RPS3: variants seen among roughly 807,000 people sequenced by gnomAD.
RPS3 encodes ribosomal protein S3.
Under a neutral mutation model 25.8 loss-of-function variants are expected in RPS3, and 2 were observed. That is an observed-to-expected ratio of 0.08 (90% CI 0.03 to 0.24). The LOEUF is 0.24. Among genes scored for constraint, RPS3 ranks in the 10% least tolerant of loss-of-function variants. The pLI is 1.00. For missense variants in RPS3, 107 were observed against 307.1 expected, an observed-to-expected ratio of 0.35 and a Z score of 4.87; for synonymous variants, 114 against 114.2, an observed-to-expected ratio of 1.00 and a Z score of 0.01.
Position 75,404,797 on chromosome 11 carries a change from C to T in RPS3, c.664C>T (p.Pro222Ser). ...EPKDEILPTTPISEQKGGKPE... is the reference protein window; with the variant it reads ...EPKDEILPTTSISEQKGGKPE... The stretch of plus-strand genomic sequence containing the variant: ...CAAAGATGAGATACTGCCCACCACC[C>T]CCATCTCAGAACAGAAGGGTGGGAA... The change falls in exon 6 of 7, where the codon CCC (proline) becomes TCC (serine). Residue 222 changes from proline (P) to serine (S), a missense_variant. Pro to Ser is a moderately conservative substitution (Grantham distance 74). Around this residue, in one of 2 missense-constraint regions of RPS3, gnomAD observed 81 missense variants for 286.8 expected, o/e 0.28. Transcript: ENST00000531188. This position sits in a 1 kb window ranked among gnomAD's most constrained non-coding sequence, Gnocchi z 4.6. 6.2e-7 allele frequency: 1 copy of T among 1,613,872 alleles called. No homozygotes were observed. The highest frequency in any genetic ancestry group is 8.5e-7 in the Non-Finnish European group (1 of 1,179,974).
rs17878463 is a variant in RPS3 at position 75,400,921 on chromosome 11, C to T, written c.161+97C>T. 5.7e-5 allele frequency: 80 copies of T among 1,414,514 alleles called. No homozygotes were observed. In the African/African-American group the frequency reaches 1.1e-3, roughly 19 times the overall value. The allele number at this position is 1,414,514 out of a possible 1,614,324, so 87.6% of individuals were successfully genotyped here. On this transcript the variant is annotated intron_variant, in intron 2 of 6. Transcript: ENST00000531188. ...TTTTTGAGACGGAGTCTTGCTCTGT[C>T]CCCAAAGCTGGAGTGCAGTGGCGCG...
Position 75,406,881 on chromosome 11 carries a change from T to A in RPS3, c.*1271T>A, listed in dbSNP as rs971637227. 24 of 152,232 alleles carry A rather than the reference T, an allele frequency of 1.6e-4. No individual in the cohort carries two copies. Among genetic ancestry groups the A allele is most frequent in the African/African-American group, 5.8e-4 (24 of 41,468 alleles). 9.4% of individuals were successfully genotyped at this position (152,232 alleles called of 1,614,324 possible). A position where few individuals can be genotyped will look rare whatever the true frequency, so the allele number is the denominator to read the frequency against. ...AGCTATGTAGCATGTACATTAGGTA[T>A]TAAAAGTAATCCAGTGAAGATTGAA... On this transcript the variant is annotated 3_prime_UTR_variant, in exon 7 of 7. Coordinates refer to ENST00000531188, the MANE Select transcript of RPS3 (RefSeq NM_001005.5).
chr11:75,420,405 TCTC>T (rs1477052910), intron 6 of RPS3, among the ~76,000 whole-genome samples: 1 of 152,144 alleles, frequency 6.6e-6, no homozygotes, highest in Non-Finnish European at 1.5e-5. Flanking sequence ...AATGATGGTC[TCTC>T]CTCCTTCGAC....
chr11:75,399,613 C>G, intron 1 of RPS3, 36 bp downstream of exon 1: 2 of 1,601,926 alleles, frequency 1.2e-6, no homozygotes, highest in East Asian at 2.2e-5. Flanking sequence ...AGAACGACGG[C>G]GCCGCGCGGG....
At chr11:75,421,546 T>G (rs962958730) in intron 6 of RPS3, among the ~76,000 whole-genome samples, 1 of 152,206 alleles carries the variant, frequency 6.6e-6, no homozygotes, top group Admixed American at 6.5e-5. Flanking sequence ...AGGCTTATAA[T>G]GACATCAGGG....
At chr11:75,407,631 G>T (rs1356077716), downstream of RPS3, among the ~76,000 whole-genome samples, 1 of 152,066 alleles carries the variant, frequency 6.6e-6, no homozygotes, top group African/African-American at 2.4e-5. Flanking sequence ...ACCAAGTCTG[G>T]CTATTTTTTT....
chr11:75,413,249 ATT>A (rs34936491), intron 6 of RPS3, among the ~76,000 whole-genome samples: 3 of 109,576 alleles, frequency 2.7e-5, no homozygotes, highest in Admixed American at 8.7e-5. Flanking sequence ...ATATATATAT[ATT>A]TTTTTTTTTG....
chr11:75,405,453 G>A (rs539899839), intron 6 of RPS3, 161 bp from the exon 7 acceptor site: 54 of 306,358 alleles, frequency 1.8e-4, no homozygotes, highest in African/African-American at 1.7e-3. Context: ...CTCTCCAGGT[G>A]CCTTGTATTT....
In RPS3 at chr11:75,420,643, A is replaced by G. The variant is rs1294803350; in HGVS notation, c.*4-1084A>G. Among the ~76,000 whole-genome samples, 5 of 152,192 alleles carry G rather than the reference A, an allele frequency of 3.3e-5. No individual in the cohort carries two copies. The East Asian group carries it at 9.7e-4, about 30-fold the overall frequency. On this transcript the variant is annotated intron_variant, in intron 6 of 6. Transcript: ENST00000527446. Reference sequence around the variant, plus strand: ...AATAGTGCCTGCCTTACACTATTACAAGATTTAGTGTAGTCAGTGGGAAGC... The same window carrying G: ...AATAGTGCCTGCCTTACACTATTACGAGATTTAGTGTAGTCAGTGGGAAGC...
intron 3 of RPS3, chr11:75,402,151 A>G: frequency 1.5e-6 from 1 of 684,340 alleles, no homozygotes; most frequent in Admixed American, 2.8e-5. Flanking sequence ...GTCTTGGGCC[A>G]CACTACTACT....
intron 4 of RPS3, chr11:75,403,309 T>C (rs1262286908): frequency 6.6e-6 from 1 of 152,248 alleles, no homozygotes; most frequent in Non-Finnish European, 1.5e-5. Context: ...CCCCTCCACA[T>C]GCTGTTTGCA....
At chr11:75,420,125 C>A (rs1034098831) in intron 6 of RPS3, among the ~76,000 whole-genome samples, 2 of 152,208 alleles carry the variant, frequency 1.3e-5, no homozygotes, top group Admixed American at 1.3e-4. Flanking sequence ...TCTCAGGATT[C>A]ATGGCCTGGC....
chr11:75,410,821 CAA>C (rs1197732403), downstream of RPS3, among the ~76,000 whole-genome samples: 1 of 150,462 alleles, frequency 6.6e-6, no homozygotes, highest in African/African-American at 2.4e-5. Context: ...CCGTCTCCAC[CAA>C]AAAAAAACGA....
intron 6 of RPS3, among the ~76,000 whole-genome samples, chr11:75,420,909 G>T (rs1948438174): frequency 6.6e-6 from 1 of 152,124 alleles, no homozygotes; most frequent in Non-Finnish European, 1.5e-5. Flanking sequence ...AAGCGCACTG[G>T]AGGCACGAAC....
intron 6 of RPS3, among the ~76,000 whole-genome samples, chr11:75,419,067 C>T (rs1421536094): frequency 6.6e-6 from 1 of 152,200 alleles, no homozygotes. Context: ...GGCCACTTTC[C>T]TGCCAGAGGG....
Position 75,400,615 on chromosome 11 carries a change from C to T in RPS3, c.31-79C>T, listed in dbSNP as rs931794626. ...TTAGTTTTGGTGAGGGATGCATTGA[C>T]TAATAAGACTAGACTGGCTCAGGCG... On this transcript the variant is annotated intron_variant, in intron 1 of 6. Coordinates refer to ENST00000531188, the MANE Select transcript of RPS3 (RefSeq NM_001005.5). 3.7e-5 allele frequency: 59 copies of T among 1,580,910 alleles called. No individual in the cohort carries two copies. In the Admixed American group the frequency reaches 9.8e-4, roughly 26 times the overall value.
chr11:75,416,719 A>G (rs973556555), intron 6 of RPS3, among the ~76,000 whole-genome samples: 3 of 152,046 alleles, frequency 2.0e-5, no homozygotes, highest in African/African-American at 7.2e-5. Context: ...CAGCCTCCCA[A>G]AGTGCTGGGA....
At chr11:75,401,955 A>T (rs933646078) in intron 3 of RPS3, 9 of 571,632 alleles carry the variant, frequency 1.6e-5, no homozygotes, top group Non-Finnish European at 2.8e-5. Flanking sequence ...GATGCATATG[A>T]TGGATTAACT....
intron 2 of RPS3, 30 bp from the exon 3 acceptor site, chr11:75,401,610 G>A: frequency 7.1e-7 from 1 of 1,416,592 alleles, no homozygotes; most frequent in Non-Finnish European, 1.0e-6. Flanking sequence ...GCATTTGTGA[G>A]AATCTTGAAT....
Sources: gnomAD v4.1 joint callset for allele counts (sites outside exome capture counted in the v4.1 genomes callset) on GRCh38, gnomAD v4.1.1 for gene constraint, gnomAD v4.1.1 regional missense constraint, Gnocchi (gnomAD v3.1) non-coding constraint, MANE v1.5 for transcripts, NCBI Gene and HGNC (gene_info 2026-07-23, HGNC 2026-07-21) for gene names.